The following FBXO33 variants were observed in gnomAD, a reference collection of about 807,000 sequenced individuals.
FBXO33 encodes F-box only protein 33.
Under a neutral mutation model 46.3 loss-of-function variants are expected in FBXO33, and 22 were observed. That is an observed-to-expected ratio of 0.48 (90% CI 0.34 to 0.68). FBXO33 has a LOEUF of 0.68. FBXO33 is among the 30% of genes least tolerant of loss of function. The pLI is 0.01. For missense variants in FBXO33, 692 were observed against 708.8 expected (o/e 0.98, Z 0.27); for synonymous variants, 337 against 291.3 (o/e 1.16, Z -1.60).
At chr14:39,429,405 G>C (rs540578997) in intron 1 of FBXO33, among the ~76,000 whole-genome samples, 29 of 152,298 alleles carry the variant, frequency 1.9e-4, no homozygotes, top group Non-Finnish European at 3.4e-4. Flanking sequence ...TATAGTTTAA[G>C]TGATTATAGA....
chr14:39,404,606 G>A (rs1045042353), intron 1 of FBXO33, among the ~76,000 whole-genome samples: 3 of 152,224 alleles, frequency 2.0e-5, no homozygotes, highest in Non-Finnish European at 2.9e-5. Context: ...GATTACAGGC[G>A]TGAGCCACCG....
At chr14:39,429,361 G>A (rs908835323) in intron 1 of FBXO33, among the ~76,000 whole-genome samples, 1 of 152,030 alleles carries the variant, frequency 6.6e-6, no homozygotes, top group Admixed American at 6.6e-5. Flanking sequence ...ATTTAACTTG[G>A]AAATGTAAAG....
intron 1 of FBXO33, among the ~76,000 whole-genome samples, chr14:39,408,451 G>A (rs948376773): frequency 6.6e-6 from 1 of 152,022 alleles, no homozygotes; most frequent in African/African-American, 2.4e-5. Flanking sequence ...AGTTATACGA[G>A]TTACCATATT....
At chr14:39,402,317 A>C in intron 2 of FBXO33, 84 bp downstream of exon 2, 1 of 681,306 alleles carries the variant, frequency 1.5e-6, no homozygotes, top group Non-Finnish European at 2.2e-6. Context: ...AAAAATCATT[A>C]CTCTTCTGTT....
At chr14:39,412,092 T>C (rs2075426013) in intron 1 of FBXO33, among the ~76,000 whole-genome samples, 1 of 152,236 alleles carries the variant, frequency 6.6e-6, no homozygotes, top group South Asian at 2.1e-4. Context: ...CATAGTTTGG[T>C]TAAAATCCAG....
chr14:39,430,471 A>G (rs2075537881), intron 1 of FBXO33, among the ~76,000 whole-genome samples: 1 of 152,182 alleles, frequency 6.6e-6, no homozygotes, highest in Non-Finnish European at 1.5e-5. Flanking sequence ...TATTTACTGC[A>G]AAAGGACACG....
At chr14:39,414,077 C>T (rs2075436294) in intron 1 of FBXO33, among the ~76,000 whole-genome samples, 2 of 152,236 alleles carry the variant, frequency 1.3e-5, no homozygotes, top group Non-Finnish European at 2.9e-5. Context: ...TAGATGGTAT[C>T]TTCTTGCAAT....
At chr14:39,425,169 T>C (rs906401993) in intron 1 of FBXO33, among the ~76,000 whole-genome samples, 1 of 152,252 alleles carries the variant, frequency 6.6e-6, no homozygotes, top group Non-Finnish European at 1.5e-5. Flanking sequence ...ATTATTCTTC[T>C]CAGACTCCTG....
At chr14:39,405,030 T>G (rs2075387475) in intron 1 of FBXO33, among the ~76,000 whole-genome samples, 1 of 150,988 alleles carries the variant, frequency 6.6e-6, no homozygotes, top group South Asian at 2.1e-4. Flanking sequence ...CTCCTGTAAT[T>G]CCAGCTACTT....
rs372752363 is a variant in FBXO33, at chr14:39,418,651, T to C, written c.599+12913A>G. On this transcript the variant is annotated intron_variant, in intron 1 of 3. Coordinates refer to ENST00000298097, the MANE Select transcript of FBXO33 (RefSeq NM_203301.4). ...TTAGCCAGGCGTGGTGGCGGGTCCC[T>C]GTAGTCCCAGCTACTCGGGAGGCTG... is the stretch of plus-strand genomic sequence containing the variant. Among the ~76,000 whole-genome samples the C allele has an allele frequency of 1.6e-3, 248 of 151,144 alleles. 1 individual carries two copies. The highest frequency in any genetic ancestry group is 5.3e-3 in the African/African-American group (219 of 41,234).
rs573023095 is a variant in FBXO33, at chr14:39,431,830, G to C, written c.333C>G (p.Leu111=). 11 of 1,607,882 alleles carry C rather than the reference G, an allele frequency of 6.8e-6. No individual in the cohort carries two copies. The South Asian group carries it at 1.1e-4, about 16-fold the overall frequency. The change falls in exon 1 of 4, where the codon CTC becomes CTG. Residue 111 remains leucine (L), a synonymous_variant. Transcript: ENST00000298097. ...CLFYPALWPQ[L]RICLRVSPAE... is the part of the protein sequence containing the mutation. ...CGGGCGAGACGCGGAGGCAGATGCGGAGCTGGGGCCACAGGGCCGGATAGA... is the reference window on the plus strand; with the variant it reads ...CGGGCGAGACGCGGAGGCAGATGCGCAGCTGGGGCCACAGGGCCGGATAGA...
At chr14:39,421,644 C>T (rs1199740968) in intron 1 of FBXO33, among the ~76,000 whole-genome samples, 2 of 152,120 alleles carry the variant, frequency 1.3e-5, no homozygotes, top group Non-Finnish European at 2.9e-5. Context: ...ATTAAACAGA[C>T]TAACCCAAAT....
At chr14:39,426,886 A>G (rs1567079385) in intron 1 of FBXO33, among the ~76,000 whole-genome samples, 1 of 152,194 alleles carries the variant, frequency 6.6e-6, no homozygotes, top group Non-Finnish European at 1.5e-5. Flanking sequence ...TCACAACCTG[A>G]AATAATCCTT....
rs2075352006 is a variant in FBXO33 at position 39,398,234 on chromosome 14, A to G, written c.*1282T>C. On this transcript the variant is annotated 3_prime_UTR_variant, in exon 4 of 4. Coordinates refer to ENST00000298097, the MANE Select transcript of FBXO33 (RefSeq NM_203301.4). ...AATGCACAACATTCGTACCACTTAA[A>G]ACTGGGGTCAGGTGGAAGTCTCACA... 2.0e-5 allele frequency: 3 copies of G among 152,626 alleles called. No individual in the cohort carries two copies. Among genetic ancestry groups the G allele is most frequent in the Non-Finnish European group, 2.9e-5 (2 of 68,046 alleles). The allele number at this position is 152,626 out of a possible 1,614,324, so 9.5% of individuals were successfully genotyped here.
intron 1 of FBXO33, among the ~76,000 whole-genome samples, chr14:39,419,318 A>C (rs1404574469): frequency 6.6e-6 from 1 of 152,266 alleles, no homozygotes; most frequent in East Asian, 1.9e-4. Flanking sequence ...AAATGTATTA[A>C]GTGATATGGA....
intron 3 of FBXO33, among the ~76,000 whole-genome samples, 200 bp downstream of exon 3, chr14:39,400,976 C>G (rs917373424): frequency 1.3e-5 from 2 of 152,158 alleles, no homozygotes. Context: ...AACAGGGAAG[C>G]TGGAGCAGAA....
At chr14:39,431,029 ACTC>A (rs936408975) in intron 1 of FBXO33, among the ~76,000 whole-genome samples, 34 of 150,980 alleles carry the variant, frequency 2.3e-4, no homozygotes, top group African/African-American at 8.0e-4. Flanking sequence ...TTTAACAAAC[ACTC>A]CTCCTCCTCT....
chr14:39,401,871 A>G lies in FBXO33; in HGVS notation c.711-10T>C, dbSNP rs766592457. The G allele has an allele frequency of 1.3e-6, 2 of 1,594,638 alleles. No individual in the cohort carries two copies. Among genetic ancestry groups the G allele is most frequent in the African/African-American group, 2.7e-5 (2 of 74,446 alleles). ...AAACAGTTGCTGAATTCTATAAGGA[A>G]AACACATGCCACAGTGATCCCATTA... On this transcript the variant is annotated splice_polypyrimidine_tract_variant and intron_variant, in intron 2 of 3. Transcript: ENST00000298097.
At chr14:39,405,341 G>C (rs1388652429) in intron 1 of FBXO33, among the ~76,000 whole-genome samples, 1 of 152,074 alleles carries the variant, frequency 6.6e-6, no homozygotes, top group Non-Finnish European at 1.5e-5. Context: ...ACATATCAGA[G>C]GTAAAATGGA....
Sources: gnomAD v4.1 joint callset for allele counts (sites outside exome capture counted in the v4.1 genomes callset) on GRCh38, gnomAD v4.1.1 for gene constraint, MANE v1.5 for transcripts, NCBI Gene and HGNC (gene_info 2026-07-23, HGNC 2026-07-21) for gene names.